Variants in SPRY3 observed in about 807,000 individuals in gnomAD.
SPRY3 encodes sprouty RTK signaling antagonist 3.
Under a neutral mutation model 20.2 loss-of-function variants are expected in SPRY3, and 15 were observed. The ratio of observed to expected loss-of-function variants is 0.74; its 90% confidence interval spans 0.50 to 1.14. SPRY3 has a LOEUF of 1.14. SPRY3 is among the 50% of genes most tolerant of loss of function. The pLI, the probability that SPRY3 is intolerant of heterozygous loss-of-function variation, is 0.00. For synonymous variants in SPRY3, 143 were observed against 136.5 expected (o/e 1.05, Z -0.33); for missense variants, 364 against 363.9 (o/e 1.00, Z 0.00).
At chrX:155,619,747 T>C (rs782355999) in intron 1 of SPRY3, among the ~76,000 whole-genome samples, 3 of 111,497 alleles carry the variant, frequency 2.7e-5, no homozygotes, top group Non-Finnish European at 5.7e-5. Flanking sequence ...AAAATGAAAA[T>C]ATAAGCCATG....
intron 2 of SPRY3, among the ~76,000 whole-genome samples, chrX:155,670,436 G>A (rs782720244): frequency 6.3e-5 from 7 of 111,434 alleles, no homozygotes; most frequent in Admixed American, 1.9e-4. Context: ...CACATATACC[G>A]AGTTAGTGAA....
intron 2 of SPRY3, among the ~76,000 whole-genome samples, chrX:155,745,733 T>C (rs1375584230): frequency 6.6e-6 from 1 of 152,110 alleles, no homozygotes; most frequent in East Asian, 1.9e-4. Context: ...TAAGATAAAA[T>C]ATGTAATTTA....
At chrX:155,755,352 T>G (rs771785622) in intron 2 of SPRY3, among the ~76,000 whole-genome samples, 1 of 152,216 alleles carries the variant, frequency 6.6e-6, no homozygotes, top group East Asian at 1.9e-4. Context: ...CCCCTGTAAC[T>G]ACTCCCTCTT....
chrX:155,773,722 T>G (rs1316339405), intron 3 of SPRY3, 44 bp from the exon 3 acceptor site: 1 of 875,522 alleles, frequency 1.1e-6, no homozygotes, highest in Non-Finnish European at 1.8e-6. Flanking sequence ...AAAGTACTTA[T>G]GCCTGTGTGT....
chrX:155,617,174 A>G (rs580468), intron 1 of SPRY3, among the ~76,000 whole-genome samples: 57,406 of 105,390 alleles, frequency 0.54, 14,186 homozygotes, highest in Middle Eastern at 0.76. Context: ...TAGTTTCCAC[A>G]TGGAATTATT....
intron 1 of SPRY3, among the ~76,000 whole-genome samples, chrX:155,632,437 C>T (rs2067909757): frequency 9.0e-6 from 1 of 111,643 alleles, no homozygotes; most frequent in Non-Finnish European, 1.9e-5. Flanking sequence ...CCTAGTGGTT[C>T]TGCTGTCCTG....
At chrX:155,708,654 G>T (rs1028894328) in intron 2 of SPRY3, among the ~76,000 whole-genome samples, 2 of 151,314 alleles carry the variant, frequency 1.3e-5, no homozygotes, top group African/African-American at 2.4e-5. Context: ...TGGTACATGA[G>T]ATATTTTGGT....
exon 4 of SPRY3, chrX:155,773,952 C>T (rs192786119): frequency 2.0e-5 from 33 of 1,613,988 alleles, no homozygotes; most frequent in Admixed American, 1.2e-4. Flanking sequence ...GCAATGACTA[C>T]GTGGAACGGC....
downstream of SPRY3, chrX:155,779,617 C>T (rs762526321): frequency 1.8e-5 from 3 of 167,084 alleles, no homozygotes; most frequent in Non-Finnish European, 4.4e-5. Flanking sequence ...TGTGAAGGCA[C>T]ATATGTTCTT....
At chrX:155,767,747 AGGAGG>A (rs1287103810) in intron 2 of SPRY3, 1 of 93,450 alleles carries the variant, frequency 1.1e-5, no homozygotes, top group Admixed American at 1.2e-4. Context: ...AGAGAGGAGG[AGGAGG>A]AGAGAGAGGA....
At chrX:155,774,858 T>A in exon 4 of SPRY3, 2 of 1,181,938 alleles carry the variant, frequency 1.7e-6, no homozygotes, top group Non-Finnish European at 1.2e-6. Flanking sequence ...CTCTCTTTTG[T>A]TCCTGCAGTG....
chrX:155,738,933 C>T (rs1435119357), intron 2 of SPRY3, among the ~76,000 whole-genome samples: 1 of 152,172 alleles, frequency 6.6e-6, no homozygotes, highest in African/African-American at 2.4e-5. Context: ...TTCTGTGGGC[C>T]CCACTTCCAT....
intron 1 of SPRY3, among the ~76,000 whole-genome samples, chrX:155,647,288 T>G (rs915826588): frequency 1.1e-4 from 12 of 111,419 alleles, no homozygotes; most frequent in Non-Finnish European, 1.9e-5. Flanking sequence ...CTTCTTTCTT[T>G]TTTTTTTACA....
intron 2 of SPRY3, among the ~76,000 whole-genome samples, chrX:155,751,419 CAA>C (rs1401221811): frequency 6.6e-6 from 1 of 151,852 alleles, no homozygotes; most frequent in Non-Finnish European, 1.5e-5. Context: ...CCCCCAAAGT[CAA>C]GTCCCTTTGC....
At chrX:155,742,659 T>C (rs943749768) in intron 2 of SPRY3, among the ~76,000 whole-genome samples, 7 of 151,956 alleles carry the variant, frequency 4.6e-5, no homozygotes, top group Admixed American at 2.0e-4. Flanking sequence ...ACAGCACAAA[T>C]TGGACCTCAA....
At chrX:155,687,630 G>A (rs1046990089) in intron 2 of SPRY3, among the ~76,000 whole-genome samples, 2 of 111,973 alleles carry the variant, frequency 1.8e-5, no homozygotes, top group Non-Finnish European at 3.8e-5. Context: ...CCTCATTGTA[G>A]CAGGGTAGTT....
chrX:155,748,027 AC>A (rs1403993202), intron 2 of SPRY3, among the ~76,000 whole-genome samples: 2 of 151,896 alleles, frequency 1.3e-5, no homozygotes, highest in African/African-American at 4.8e-5. Context: ...CTGGTAACAA[AC>A]AGTTTTGGAA....
chrX:155,651,426 GT>G (rs1426935198), intron 1 of SPRY3, among the ~76,000 whole-genome samples: 5 of 111,720 alleles, frequency 4.5e-5, no homozygotes, highest in African/African-American at 1.6e-4. Context: ...TTAATTTGCA[GT>G]TCCCCCTGGT....
chrX:155,709,424 G>T (rs1084422), intron 2 of SPRY3, among the ~76,000 whole-genome samples: 1 of 151,692 alleles, frequency 6.6e-6, no homozygotes. Context: ...CAATGATGCT[G>T]AGCCCTTTTT....
Sources: allele counts gnomAD v4.1 joint callset (sites outside exome capture counted in the v4.1 genomes callset), GRCh38; gene constraint gnomAD v4.1.1; transcripts MANE v1.5; gene names NCBI Gene and HGNC (gene_info 2026-07-23, HGNC 2026-07-21).